The following CNTN4 variants were observed in gnomAD, a reference collection of about 807,000 sequenced individuals.
The protein encoded by CNTN4 is contactin 4.
CNTN4 carries 77 observed loss-of-function variants against 122.5 expected under a neutral mutation model. That is an observed-to-expected ratio of 0.63 (90% CI 0.52 to 0.76). The LOEUF is 0.76. CNTN4 is among the 30% of genes least tolerant of loss of function. The pLI, the probability that CNTN4 is intolerant of heterozygous loss-of-function variation, is 0.00. For synonymous variants in CNTN4, 512 were observed against 447.0 expected, an observed-to-expected ratio of 1.15 and a Z score of -1.83; for missense variants, 1,256 against 1,259.1, an observed-to-expected ratio of 1.00 and a Z score of 0.04.
At chr3:2,158,557 G>T (rs1174504936) in intron 2 of CNTN4, among the ~76,000 whole-genome samples, 1 of 152,206 alleles carries the variant, frequency 6.6e-6, no homozygotes, top group African/African-American at 2.4e-5. Flanking sequence ...CATCTGAAAA[G>T]AACGTAGACT....
intron 4 of CNTN4, among the ~76,000 whole-genome samples, chr3:2,659,784 T>C (rs2083786393): frequency 6.6e-6 from 1 of 152,222 alleles, no homozygotes; most frequent in Non-Finnish European, 1.5e-5. Context: ...ATTTGTTTGA[T>C]TGTTTTCTTT....
intron 7 of CNTN4, among the ~76,000 whole-genome samples, chr3:2,833,822 T>C (rs1576985947): frequency 1.3e-5 from 2 of 152,318 alleles, no homozygotes; most frequent in African/African-American, 4.8e-5. Context: ...GTTATGTTTG[T>C]GTATGACACA....
At chr3:2,695,956 T>C (rs550717116) in intron 4 of CNTN4, among the ~76,000 whole-genome samples, 2 of 152,318 alleles carry the variant, frequency 1.3e-5, no homozygotes, top group South Asian at 2.1e-4. Flanking sequence ...TAGTTACTTA[T>C]GTGAAGTATT....
intron 3 of CNTN4, among the ~76,000 whole-genome samples, chr3:2,360,813 T>A (rs539873598): frequency 2.4e-3 from 365 of 152,256 alleles, no homozygotes; most frequent in Non-Finnish European, 4.2e-3. Flanking sequence ...GTCTCTCCCA[T>A]GACACATGGG....
intron 4 of CNTN4, among the ~76,000 whole-genome samples, chr3:2,602,162 A>G (rs2149752872): frequency 1.3e-5 from 2 of 152,312 alleles, no homozygotes; most frequent in Middle Eastern, 6.8e-3. Flanking sequence ...AACTGGAAGC[A>G]TTCCCTTTGA....
At chr3:2,525,974 TTTCTTA>T (rs2077384461) in intron 3 of CNTN4, among the ~76,000 whole-genome samples, 1 of 152,086 alleles carries the variant, frequency 6.6e-6, no homozygotes, top group Admixed American at 6.6e-5. Context: ...ACAAGGTAGG[TTTCTTA>T]TCACACATCT....
intron 3 of CNTN4, among the ~76,000 whole-genome samples, chr3:2,456,681 C>T (rs563548509): frequency 3.3e-5 from 5 of 152,224 alleles, no homozygotes; most frequent in East Asian, 1.9e-4. Flanking sequence ...TCATCCACAT[C>T]GTAGCACCTG....
At chr3:2,230,698 G>A (rs191315769) in intron 2 of CNTN4, among the ~76,000 whole-genome samples, 1 of 152,164 alleles carries the variant, frequency 6.6e-6, no homozygotes, top group African/African-American at 2.4e-5. Flanking sequence ...GAAACATGAT[G>A]TGAGGGATGG....
chr3:2,351,531 A>T (rs902513509), intron 3 of CNTN4, among the ~76,000 whole-genome samples: 7 of 152,248 alleles, frequency 4.6e-5, no homozygotes, highest in African/African-American at 1.7e-4. Context: ...TTGAAAACAG[A>T]AAGTAAATAT....
intron 2 of CNTN4, 107 bp from the exon 3 acceptor site, chr3:2,339,071 T>C (rs1411824757): frequency 1.3e-5 from 2 of 152,170 alleles, no homozygotes; most frequent in Non-Finnish European, 1.5e-5. Context: ...TAATCCAATC[T>C]GATTTAATTT....
chr3:2,635,594 C>G (rs762403157), intron 4 of CNTN4, among the ~76,000 whole-genome samples: 5 of 152,150 alleles, frequency 3.3e-5, no homozygotes, highest in Non-Finnish European at 7.3e-5. Context: ...CTTGAATGTG[C>G]CCACAGCAGG....
chr3:2,455,205 T>C (rs1329687772), intron 3 of CNTN4, among the ~76,000 whole-genome samples: 3 of 152,138 alleles, frequency 2.0e-5, no homozygotes, highest in East Asian at 3.9e-4. Context: ...CAGACAGATA[T>C]GCAGGAAGCA....
intron 13 of CNTN4, among the ~76,000 whole-genome samples, chr3:2,973,989 A>C (rs74324841): frequency 0.12 from 18,626 of 152,224 alleles, 1,270 homozygotes; most frequent in African/African-American, 0.16. Flanking sequence ...GATGGTACAC[A>C]GTATACAGAC....
intron 4 of CNTN4, among the ~76,000 whole-genome samples, chr3:2,627,643 G>T (rs576455028): frequency 1.3e-5 from 2 of 151,720 alleles, no homozygotes; most frequent in Non-Finnish European, 2.9e-5. Flanking sequence ...ACAGGTGCCC[G>T]CCACCACGCC....
intron 2 of CNTN4, among the ~76,000 whole-genome samples, chr3:2,290,199 G>T (rs2042081637): frequency 6.6e-6 from 1 of 152,104 alleles, no homozygotes; most frequent in Non-Finnish European, 1.5e-5. Context: ...AGAAACAGGG[G>T]CAATGAAAGA....
intron 3 of CNTN4, among the ~76,000 whole-genome samples, chr3:2,478,392 TTTTC>T (rs1336456498): frequency 1.6e-5 from 2 of 127,002 alleles, no homozygotes; most frequent in African/African-American, 6.1e-5. Flanking sequence ...CATAGTTGTC[TTTTC>T]TTTATCTGTT....
intron 2 of CNTN4, among the ~76,000 whole-genome samples, chr3:2,264,534 A>T (rs551975206): frequency 6.6e-6 from 1 of 152,180 alleles, no homozygotes; most frequent in African/African-American, 2.4e-5. Context: ...TCATATGGAA[A>T]GTTTGCAAAT....
At chr3:2,947,893 G>A (rs1405893260) in intron 13 of CNTN4, among the ~76,000 whole-genome samples, 1 of 152,038 alleles carries the variant, frequency 6.6e-6, no homozygotes, top group Non-Finnish European at 1.5e-5. Flanking sequence ...AAATTATTCT[G>A]TTCTAACATT....
At chr3:2,176,766 G>A (rs989548425) in intron 2 of CNTN4, among the ~76,000 whole-genome samples, 5 of 152,100 alleles carry the variant, frequency 3.3e-5, no homozygotes, top group Admixed American at 6.6e-5. Flanking sequence ...GAGATTGATT[G>A]CTTTGAAAAC....
Sources: allele counts gnomAD v4.1 joint callset (sites outside exome capture counted in the v4.1 genomes callset), GRCh38; gene constraint gnomAD v4.1.1; transcripts MANE v1.5; gene names NCBI Gene and HGNC (gene_info 2026-07-23, HGNC 2026-07-21).